Variants in RTL4 observed in about 807,000 individuals in gnomAD.
The protein encoded by RTL4 is retrotransposon Gag like 4.
A neutral mutation model predicts 5.3 loss-of-function variants in RTL4; 4 were observed. That is an observed-to-expected ratio of 0.75 (90% CI 0.37 to 1.72). RTL4 has a LOEUF of 1.72. RTL4 is among the 40% of genes most tolerant of loss of function. The probability of loss-of-function intolerance (pLI) is 0.04; values close to 1 mark genes in which losing one functional copy is unlikely to be tolerated. For synonymous variants in RTL4, 98 were observed against 87.3 expected, an observed-to-expected ratio of 1.12 and a Z score of -0.68; for missense variants, 260 against 227.1, an observed-to-expected ratio of 1.14 and a Z score of -0.93.
chrX:112,236,482 GATCT>G, the RTL4 span, among the ~76,000 whole-genome samples: 18 of 80,101 alleles, frequency 2.2e-4, no homozygotes, highest in Non-Finnish European at 4.0e-4. Context: ...TATAGATATA[GATCT>G]ATATCTATAT....
the RTL4 span, among the ~76,000 whole-genome samples, chrX:112,267,661 T>C: frequency 8.9e-6 from 1 of 111,767 alleles, no homozygotes; most frequent in East Asian, 2.8e-4. Flanking sequence ...ACTTCCAAAA[T>C]GGAATTCCCC....
chrX:112,306,181 A>G, the RTL4 span, among the ~76,000 whole-genome samples: 1 of 111,594 alleles, frequency 9.0e-6, no homozygotes, highest in Admixed American at 9.6e-5. Context: ...TCATATGTCC[A>G]TTTCTATATC....
At chrX:112,443,759 C>T in the RTL4 span, among the ~76,000 whole-genome samples, 4 of 111,971 alleles carry the variant, frequency 3.6e-5, no homozygotes, top group Non-Finnish European at 5.6e-5. Flanking sequence ...CTATTCGAAT[C>T]TTTTGCCTAT....
chrX:112,178,410 A>G, the RTL4 span, among the ~76,000 whole-genome samples: 2 of 111,468 alleles, frequency 1.8e-5, no homozygotes, highest in African/African-American at 6.5e-5. Flanking sequence ...TGGAAAAATG[A>G]GTGAAATCTA....
At chrX:112,179,531 A>G in the RTL4 span, among the ~76,000 whole-genome samples, 3 of 112,021 alleles carry the variant, frequency 2.7e-5, no homozygotes, top group Non-Finnish European at 5.6e-5. Context: ...CCAGAGGAAT[A>G]GTAGGATCAG....
chrX:112,423,534 G>A, the RTL4 span, among the ~76,000 whole-genome samples: 1 of 111,131 alleles, frequency 9.0e-6, no homozygotes, highest in African/African-American at 3.3e-5. Context: ...CCTGAAAATT[G>A]TATCTTTACC....
chrX:112,397,992 T>C, the RTL4 span, among the ~76,000 whole-genome samples: 251 of 111,882 alleles, frequency 2.2e-3, 2 homozygotes, highest in African/African-American at 7.5e-3. Context: ...TCTTGCCTTA[T>C]CAAATTGCTA....
At chrX:112,241,569 A>G in the RTL4 span, among the ~76,000 whole-genome samples, 1,303 of 111,510 alleles carry the variant, frequency 0.012, 13 homozygotes, top group Non-Finnish European at 0.019. Context: ...AAATTTGTTT[A>G]AGTTCTTTGT....
At chrX:112,132,822 A>C in the RTL4 span, among the ~76,000 whole-genome samples, 1 of 112,367 alleles carries the variant, frequency 8.9e-6, no homozygotes, top group East Asian at 2.8e-4. Context: ...ATTGATTTGC[A>C]CTACAATAAG....
the RTL4 span, among the ~76,000 whole-genome samples, chrX:112,087,061 A>G: frequency 9.0e-6 from 1 of 111,441 alleles, no homozygotes; most frequent in African/African-American, 3.3e-5. Context: ...AAATTTGTAA[A>G]GTGTAATTGC....
chrX:112,088,216 G>A, the RTL4 span, among the ~76,000 whole-genome samples: 5 of 94,879 alleles, frequency 5.3e-5, no homozygotes, highest in African/African-American at 1.6e-4. Context: ...CCCCATTTCC[G>A]CCCCCCTCCA....
chrX:112,117,870 A>G, the RTL4 span, among the ~76,000 whole-genome samples: 1 of 111,884 alleles, frequency 8.9e-6, no homozygotes, highest in Non-Finnish European at 1.9e-5. Context: ...GCAATGTGTA[A>G]TGTACAGGTA....
chrX:112,300,637 T>A, the RTL4 span, among the ~76,000 whole-genome samples: 1 of 112,476 alleles, frequency 8.9e-6, no homozygotes, highest in Non-Finnish European at 1.9e-5. Context: ...TTAAATTTTT[T>A]CACCATTTTG....
chrX:112,352,727 C>G, the RTL4 span, among the ~76,000 whole-genome samples: 1 of 111,264 alleles, frequency 9.0e-6, no homozygotes, highest in African/African-American at 3.3e-5. Flanking sequence ...CCATAAAAAC[C>G]CTAGAAGAAA....
At chrX:112,310,783 TTAA>T in the RTL4 span, among the ~76,000 whole-genome samples, 3 of 80,192 alleles carry the variant, frequency 3.7e-5, no homozygotes, top group African/African-American at 1.5e-4. Context: ...ATAATATATA[TTAA>T]TATTATATAT....
the RTL4 span, among the ~76,000 whole-genome samples, chrX:112,293,566 T>G: frequency 8.9e-6 from 1 of 112,027 alleles, no homozygotes; most frequent in Non-Finnish European, 1.9e-5. Context: ...AACAGCAGGA[T>G]GTCTGGTGGA....
At chrX:112,360,353 T>C in the RTL4 span, among the ~76,000 whole-genome samples, 6 of 111,067 alleles carry the variant, frequency 5.4e-5, no homozygotes, top group Admixed American at 3.8e-4. Context: ...CCCAAATTCA[T>C]AGTATAAGGA....
chrX:112,083,094 C>T, the RTL4 span, among the ~76,000 whole-genome samples: 1 of 110,819 alleles, frequency 9.0e-6, no homozygotes, highest in African/African-American at 3.3e-5. Flanking sequence ...TGCCCCGTCC[C>T]ACCGTCTCAT....
At chrX:112,168,704 G>A in the RTL4 span, among the ~76,000 whole-genome samples, 2 of 111,785 alleles carry the variant, frequency 1.8e-5, no homozygotes, top group Admixed American at 1.9e-4. Context: ...TCTAAAAAGG[G>A]GAGGAACTCT....
Sources: allele counts gnomAD v4.1 joint callset (sites outside exome capture counted in the v4.1 genomes callset), GRCh38; gene constraint gnomAD v4.1.1; transcripts MANE v1.5; gene names NCBI Gene and HGNC (gene_info 2026-07-23, HGNC 2026-07-21).